UNC13C: variants seen among roughly 807,000 people sequenced by gnomAD.
The protein encoded by UNC13C is unc-13 homolog C.
In UNC13C, 174 loss-of-function variants were observed where a neutral mutation model predicts 245.4. The observed-to-expected ratio is 0.71, with a 90% CI of 0.63 to 0.80. The LOEUF is 0.80. Among genes scored for constraint, UNC13C ranks in the 30% least tolerant of loss-of-function variants. The probability of loss-of-function intolerance (pLI) is 0.00; values close to 1 mark genes in which losing one functional copy is unlikely to be tolerated. For missense variants in UNC13C, 2,829 were observed against 2,602.9 expected, an observed-to-expected ratio of 1.09 and a Z score of -1.89; for synonymous variants, 992 against 895.1, an observed-to-expected ratio of 1.11 and a Z score of -1.93.
the UNC13C span, among the ~76,000 whole-genome samples, chr15:53,881,134 G>T: frequency 6.8e-6 from 1 of 147,994 alleles, no homozygotes; most frequent in Non-Finnish European, 1.5e-5. Context: ...AGAAGTTGGG[G>T]ATTGTGTGTG....
At chr15:54,453,273 C>G (rs937079418) in intron 19 of UNC13C, among the ~76,000 whole-genome samples, 4 of 152,188 alleles carry the variant, frequency 2.6e-5, no homozygotes, top group African/African-American at 7.2e-5. Flanking sequence ...TTGAGTCTCA[C>G]TGGGCTCCCA....
intron 2 of UNC13C, among the ~76,000 whole-genome samples, chr15:54,104,084 T>C (rs948271180): frequency 1.1e-4 from 16 of 152,356 alleles, no homozygotes; most frequent in African/African-American, 2.9e-4. Flanking sequence ...TCCTTTTCTT[T>C]CTTTCATGGT....
At chr15:54,079,826 G>A (rs1219147388) in intron 2 of UNC13C, among the ~76,000 whole-genome samples, 1 of 151,708 alleles carries the variant, frequency 6.6e-6, no homozygotes, top group African/African-American at 2.4e-5. Flanking sequence ...AATTATTCTG[G>A]CTAGGACTTC....
chr15:54,449,715 T>A (rs1891060684), intron 19 of UNC13C, among the ~76,000 whole-genome samples: 1 of 152,208 alleles, frequency 6.6e-6, no homozygotes, highest in South Asian at 2.1e-4. Context: ...TTGCAATGGG[T>A]TCAAACTTCC....
Position 54,567,852 on chromosome 15 carries a change from G to T in UNC13C, c.6011G>T (p.Ser2004Ile). The part of the protein sequence containing the change: ...NGLKKNFLEK[S>I]PDLQSLRYAL... ...CTGAAAAAGAATTTCTTGGAGAAAA[G>T]CCCAGATCTTCAGTCTCTGAGATAT... Residue 2004 changes from serine (S) to isoleucine (I), a missense_variant, in exon 30 of 33, where the codon AGC becomes ATC. Physicochemically the swap from Ser to Ile is moderately radical, Grantham distance 142. Transcript: ENST00000260323. 6.2e-7 allele frequency: 1 copy of T among 1,604,188 alleles called. No homozygotes were observed. Among genetic ancestry groups the T allele is most frequent in the Non-Finnish European group, 8.5e-7 (1 of 1,174,576 alleles).
intron 16 of UNC13C, among the ~76,000 whole-genome samples, chr15:54,335,354 C>T (rs1162811953): frequency 6.6e-6 from 1 of 152,060 alleles, no homozygotes; most frequent in Admixed American, 6.6e-5. Context: ...CATTTCTTTC[C>T]AATTAATTTC....
intron 10 of UNC13C, among the ~76,000 whole-genome samples, chr15:54,289,826 A>G (rs772885770): frequency 2.0e-5 from 3 of 152,078 alleles, no homozygotes; most frequent in Non-Finnish European, 2.9e-5. Flanking sequence ...AGCAGTTCCC[A>G]TGATATGGGC....
chr15:54,167,500 C>CAAAAA (rs67762910), intron 4 of UNC13C, among the ~76,000 whole-genome samples: 3 of 90,630 alleles, frequency 3.3e-5, no homozygotes, highest in African/African-American at 4.1e-5. Context: ...ACACTCGTCT[C>CAAAAA]AAAAAAAAAA....
intron 2 of UNC13C, among the ~76,000 whole-genome samples, chr15:54,041,197 C>T (rs974310782): frequency 1.3e-5 from 2 of 152,072 alleles, no homozygotes; most frequent in African/African-American, 4.8e-5. Flanking sequence ...AACTTTGTAT[C>T]CTGCATTTGG....
chr15:53,939,366 C>A, the UNC13C span, among the ~76,000 whole-genome samples: 1 of 151,704 alleles, frequency 6.6e-6, no homozygotes, highest in Admixed American at 6.6e-5. Context: ...AACCAAAAAA[C>A]CCCGGGACCC....
At chr15:53,866,815 A>T in the UNC13C span, among the ~76,000 whole-genome samples, 3 of 152,246 alleles carry the variant, frequency 2.0e-5, no homozygotes, top group Admixed American at 2.0e-4. Flanking sequence ...AGCACTAAAA[A>T]ATAAATTTAC....
the UNC13C span, among the ~76,000 whole-genome samples, chr15:53,953,358 C>T: frequency 6.6e-6 from 1 of 152,168 alleles, no homozygotes; most frequent in Non-Finnish European, 1.5e-5. Flanking sequence ...CCTCGTGGTG[C>T]TCCAGGTGTT....
chr15:54,222,108 T>A (rs552832591), intron 4 of UNC13C, among the ~76,000 whole-genome samples: 1 of 152,208 alleles, frequency 6.6e-6, no homozygotes, highest in South Asian at 2.1e-4. Context: ...TTACAAACAA[T>A]TCGATCATAC....
At chr15:54,231,049 T>A (rs1402782188) in intron 4 of UNC13C, among the ~76,000 whole-genome samples, 1 of 152,064 alleles carries the variant, frequency 6.6e-6, no homozygotes, top group Non-Finnish European at 1.5e-5. Context: ...TATAGTCTAA[T>A]AAGTCTTTAT....
At chr15:54,313,980 C>G (rs1004351828) in intron 13 of UNC13C, among the ~76,000 whole-genome samples, 2 of 150,798 alleles carry the variant, frequency 1.3e-5, no homozygotes, top group Non-Finnish European at 3.0e-5. Flanking sequence ...TCATTTGCAA[C>G]AAGATGGTTA....
At chr15:53,935,460 G>T in the UNC13C span, among the ~76,000 whole-genome samples, 15 of 152,208 alleles carry the variant, frequency 9.9e-5, no homozygotes, top group East Asian at 2.9e-3. Flanking sequence ...ATAAAAATAA[G>T]GTAAAAAGCA....
At chr15:54,605,013 T>C (rs1040891170) in intron 30 of UNC13C, among the ~76,000 whole-genome samples, 4 of 152,162 alleles carry the variant, frequency 2.6e-5, no homozygotes, top group Non-Finnish European at 5.9e-5. Context: ...GGTAATTTCC[T>C]CATCTCCAAA....
chr15:54,628,112 A>G lies in UNC13C; in HGVS notation c.*999A>G, dbSNP rs1901302318. ...AAATTAAGTCGGAAGAAATTGCTTA[A>G]AATTTTGTAATTTGTATTTATAAGC... On this transcript the variant is annotated 3_prime_UTR_variant, in exon 33 of 33. Transcript: ENST00000260323. 1 of 151,890 alleles carries G rather than the reference A, an allele frequency of 6.6e-6. No individual in the cohort carries two copies. Among genetic ancestry groups the G allele is most frequent in the African/African-American group, 2.4e-5 (1 of 41,232 alleles). 9.4% of individuals were successfully genotyped at this position (151,890 alleles called of 1,614,324 possible). A position where few individuals can be genotyped will look rare whatever the true frequency, so the allele number is the denominator to read the frequency against.
At chr15:54,491,140 T>A (rs1331871025) in intron 19 of UNC13C, among the ~76,000 whole-genome samples, 1 of 152,212 alleles carries the variant, frequency 6.6e-6, no homozygotes, top group Non-Finnish European at 1.5e-5. Context: ...AGTAAACATT[T>A]TTTGGTAGTA....
Sources: allele counts gnomAD v4.1 joint callset (sites outside exome capture counted in the v4.1 genomes callset), GRCh38; gene constraint gnomAD v4.1.1; transcripts MANE v1.5; gene names NCBI Gene and HGNC (gene_info 2026-07-23, HGNC 2026-07-21).